Variants in GALNT17 observed in about 807,000 individuals in gnomAD.
GALNT17 encodes the protein polypeptide N-acetylgalactosaminyltransferase 17.
Under a neutral mutation model 63.7 loss-of-function variants are expected in GALNT17, and 29 were observed. The observed-to-expected ratio is 0.46, with a 90% CI of 0.34 to 0.62. The LOEUF is 0.62. Among genes scored for constraint, GALNT17 ranks in the 20% least tolerant of loss-of-function variants. GALNT17 has a pLI of 0.01. For synonymous variants in GALNT17, 305 were observed against 318.3 expected (o/e 0.96, Z 0.45); for missense variants, 603 against 799.6 (o/e 0.75, Z 2.97).
At chr7:71,330,837 C>T (rs556327096) in intron 1 of GALNT17, among the ~76,000 whole-genome samples, 9 of 152,284 alleles carry the variant, frequency 5.9e-5, no homozygotes, top group Admixed American at 3.9e-4. Flanking sequence ...TGCAATTCCT[C>T]CTGTTTGGTG....
chr7:71,427,737 G>A (rs1484024247), intron 5 of GALNT17, among the ~76,000 whole-genome samples: 1 of 152,018 alleles, frequency 6.6e-6, no homozygotes, highest in Non-Finnish European at 1.5e-5. Context: ...TGAGTGGCAG[G>A]CGAGCGAGCA....
chr7:71,536,130 C>G (rs1788798265), intron 5 of GALNT17, among the ~76,000 whole-genome samples: 1 of 152,164 alleles, frequency 6.6e-6, no homozygotes, highest in African/African-American at 2.4e-5. Context: ...CTGTTCATAG[C>G]AAAAAGACTG....
At chr7:71,691,649 C>G (rs1159593961) in intron 9 of GALNT17, among the ~76,000 whole-genome samples, 1 of 152,118 alleles carries the variant, frequency 6.6e-6, no homozygotes, top group African/African-American at 2.4e-5. Context: ...ACTTTTGTGT[C>G]TTCCGGGAAG....
rs567810020 is a variant in GALNT17 at position 71,452,243 on chromosome 7, GA to G, written c.962+31150del. Among the ~76,000 whole-genome samples the G allele has an allele frequency of 2.3e-3, 311 of 134,922 alleles. 2 individuals are homozygous for G. The highest frequency in any genetic ancestry group is 0.012 in the Middle Eastern group (3 of 242). The allele number at this position is 134,922 out of a possible 152,430, so 88.5% of individuals were successfully genotyped here. The stretch of plus-strand genomic sequence containing the variant: ...GGGTGACAGAGTGAGGCTCTCTTTA[GA>G]AAAAAAAAAAAGATTTTAGGGCCAG... On this transcript the variant is annotated intron_variant, in intron 5 of 10. Transcript: ENST00000333538.
intron 5 of GALNT17, among the ~76,000 whole-genome samples, chr7:71,428,563 C>T (rs752321652): frequency 8.6e-5 from 13 of 151,984 alleles, no homozygotes; most frequent in African/African-American, 2.9e-4. Flanking sequence ...CTCAGCTTCC[C>T]GAGTAGCTGG....
rs115644405 is a variant in GALNT17, at chr7:71,227,856, C to T, written c.238+94816C>T. 8.1e-3 allele frequency among the ~76,000 whole-genome samples: 1,233 copies of T among 152,194 alleles called. 15 individuals carry two copies. The highest frequency in any genetic ancestry group is 0.028 in the African/African-American group (1,180 of 41,504). On this transcript the variant is annotated intron_variant, in intron 1 of 10. Transcript: ENST00000333538. ...GAGAGAGAGTCCTGGTTCCAGCTCACGGGTTGAGGAAGAGACACAGGGCAA... is the reference window on the plus strand; with the variant it reads ...GAGAGAGAGTCCTGGTTCCAGCTCATGGGTTGAGGAAGAGACACAGGGCAA...
rs767279662 is a variant in GALNT17 at position 71,340,694 on chromosome 7, ATGTTT to A, written c.422+4972_422+4976del. On this transcript the variant is annotated intron_variant, in intron 2 of 10. Coordinates refer to ENST00000333538, the MANE Select transcript of GALNT17 (RefSeq NM_022479.3). ...GTTTAATGACTTAGGAGATCATAGA[ATGTTT>A]TGTTTTGTTTATAAACCAAGAGCAA... Among the ~76,000 whole-genome samples the A allele has an allele frequency of 2.6e-3, 392 of 152,286 alleles. 2 individuals are homozygous for A. Among genetic ancestry groups the A allele is most frequent in the African/African-American group, 8.9e-3 (368 of 41,558 alleles).
intron 6 of GALNT17, among the ~76,000 whole-genome samples, chr7:71,602,176 A>T (rs1789975748): frequency 6.6e-6 from 1 of 152,248 alleles, no homozygotes; most frequent in Admixed American, 6.5e-5. Context: ...CCCTAATTTT[A>T]AAAAATCAAA....
chr7:71,618,358 G>T lies in GALNT17; in HGVS notation c.1080+46956G>T, dbSNP rs541612827. 2.0e-5 allele frequency among the ~76,000 whole-genome samples: 3 copies of T among 152,272 alleles called. No homozygotes were observed. In the East Asian group the frequency reaches 5.8e-4, roughly 29 times the overall value. On this transcript the variant is annotated intron_variant, in intron 6 of 10. Transcript: ENST00000333538. The stretch of plus-strand genomic sequence containing the variant: ...AATGGGATGGCTGGCTCGAATGGCA[G>T]CTCTGTTTTAAGTTCTTTGAGAAAT...
At chr7:71,402,247 C>T (rs780723073) in intron 3 of GALNT17, among the ~76,000 whole-genome samples, 1 of 152,200 alleles carries the variant, frequency 6.6e-6, no homozygotes, top group Non-Finnish European at 1.5e-5. Context: ...GTTCATTCAT[C>T]GGTATTCAAC....
chr7:71,168,705 ATGTGTG>A lies in GALNT17; in HGVS notation c.238+35690_238+35695del, dbSNP rs10536926. On this transcript the variant is annotated intron_variant, in intron 1 of 10. Coordinates refer to ENST00000333538, the MANE Select transcript of GALNT17 (RefSeq NM_022479.3). Reference sequence around the variant, plus strand: ...TCCATCAGCTCACATAGTTACGTGTATGTGTGTGTGTGTGTGTGTGTGTGTGTGTGG... The same window carrying A: ...TCCATCAGCTCACATAGTTACGTGTATGTGTGTGTGTGTGTGTGTGTGTGG... 7.2e-4 allele frequency among the ~76,000 whole-genome samples: 108 copies of A among 149,134 alleles called. 2 individuals are homozygous for A. Among genetic ancestry groups the A allele is most frequent in the African/African-American group, 2.1e-3 (84 of 40,478 alleles).
chr7:71,294,069 G>A (rs1791032682), intron 1 of GALNT17, among the ~76,000 whole-genome samples: 1 of 151,976 alleles, frequency 6.6e-6, no homozygotes. Flanking sequence ...GGCTGAGGCA[G>A]GAGAATGGTG....
chr7:71,193,507 G>A (rs1029406309), intron 1 of GALNT17, among the ~76,000 whole-genome samples: 94 of 135,364 alleles, frequency 6.9e-4, no homozygotes, highest in African/African-American at 2.6e-3. Context: ...GCTTTGACTC[G>A]GTGGAGGAGA....
At chr7:71,219,483 T>C (rs1585890207) in intron 1 of GALNT17, among the ~76,000 whole-genome samples, 1 of 152,284 alleles carries the variant, frequency 6.6e-6, no homozygotes, top group Middle Eastern at 3.4e-3. Context: ...ACTTGCTTTT[T>C]ATTCTCTCAC....
chr7:71,700,561 C>A (rs1020850034), intron 9 of GALNT17, among the ~76,000 whole-genome samples: 1 of 152,102 alleles, frequency 6.6e-6, no homozygotes, highest in African/African-American at 2.4e-5. Flanking sequence ...AGACCCAGCT[C>A]CCCCACCTCT....
chr7:71,633,954 G>A (rs1790492892), intron 6 of GALNT17, among the ~76,000 whole-genome samples: 1 of 152,206 alleles, frequency 6.6e-6, no homozygotes, highest in African/African-American at 2.4e-5. Context: ...GGGCCCAAGG[G>A]CCCAGCCCAT....
At position 71,172,665 on chromosome 7, in the gene GALNT17, A is replaced by G. The variant is rs573300826; in HGVS notation, c.238+39625A>G. 2.0e-5 allele frequency among the ~76,000 whole-genome samples: 3 copies of G among 152,272 alleles called. No homozygotes were observed. In the East Asian group the frequency reaches 5.8e-4, roughly 29 times the overall value. ...CTGTGGAGTGGGAGCTACCAGGGCAAGAGTTTATCACCAACAGTGCCTTGG... is the reference window on the plus strand; with the variant it reads ...CTGTGGAGTGGGAGCTACCAGGGCAGGAGTTTATCACCAACAGTGCCTTGG... On this transcript the variant is annotated intron_variant, in intron 1 of 10. Transcript: ENST00000333538.
At chr7:71,526,452 G>A (rs1788626378) in intron 5 of GALNT17, among the ~76,000 whole-genome samples, 1 of 152,162 alleles carries the variant, frequency 6.6e-6, no homozygotes, top group African/African-American at 2.4e-5. Context: ...CCAGACGCCA[G>A]TCTACTTCTG....
At chr7:71,614,085 T>C (rs184886473) in intron 6 of GALNT17, among the ~76,000 whole-genome samples, 1 of 152,302 alleles carries the variant, frequency 6.6e-6, no homozygotes, top group African/African-American at 2.4e-5. Flanking sequence ...ATGATAAAAC[T>C]GTTTAGACTT....
Sources: allele counts gnomAD v4.1 joint callset (sites outside exome capture counted in the v4.1 genomes callset), GRCh38; gene constraint gnomAD v4.1.1; transcripts MANE v1.5; gene names NCBI Gene and HGNC (gene_info 2026-07-23, HGNC 2026-07-21).